Variants in CCSER1 observed in about 807,000 individuals in gnomAD.
CCSER1 encodes the protein coiled-coil serine rich protein 1.
Under a neutral mutation model 82.0 loss-of-function variants are expected in CCSER1, and 41 were observed. That is an observed-to-expected ratio of 0.50 (90% CI 0.39 to 0.65). The LOEUF is 0.65. CCSER1 is among the 30% of genes least tolerant of loss of function. CCSER1 has a pLI of 0.00. For missense variants in CCSER1, 1,119 were observed against 1,064.2 expected, an observed-to-expected ratio of 1.05 and a Z score of -0.72; for synonymous variants, 414 against 383.9, an observed-to-expected ratio of 1.08 and a Z score of -0.92.
intron 9 of CCSER1, among the ~76,000 whole-genome samples, chr4:90,997,776 T>C (rs1196567682): frequency 6.6e-6 from 1 of 152,186 alleles, no homozygotes; most frequent in Non-Finnish European, 1.5e-5. Flanking sequence ...TCTTACTAAA[T>C]TGCTAAGGAA....
At chr4:90,497,886 G>A (rs1429651893) in intron 5 of CCSER1, among the ~76,000 whole-genome samples, 3 of 152,016 alleles carry the variant, frequency 2.0e-5, no homozygotes, top group Non-Finnish European at 4.4e-5. Context: ...GCTATTCAGG[G>A]AAGGTTCTTC....
chr4:91,297,379 G>GTA (rs1553921579), intron 10 of CCSER1, among the ~76,000 whole-genome samples: 1 of 98,594 alleles, frequency 1.0e-5, no homozygotes, highest in Non-Finnish European at 2.2e-5. Flanking sequence ...GTGTGTGTGT[G>GTA]TGTGTATGTG....
At chr4:91,398,966 A>T (rs1404899848) in intron 10 of CCSER1, among the ~76,000 whole-genome samples, 2 of 151,982 alleles carry the variant, frequency 1.3e-5, no homozygotes, top group African/African-American at 4.8e-5. Flanking sequence ...TCTGAATTAT[A>T]AATATTGAGT....
At chr4:91,139,487 C>T (rs1434906550) in intron 10 of CCSER1, among the ~76,000 whole-genome samples, 1 of 152,016 alleles carries the variant, frequency 6.6e-6, no homozygotes, top group Non-Finnish European at 1.5e-5. Context: ...GCATTTTTCT[C>T]TTAGCAGATA....
chr4:91,538,698 C>CATATATTATGTATCTATATATATAT, intron 10 of CCSER1, among the ~76,000 whole-genome samples: 1 of 138,340 alleles, frequency 7.2e-6, no homozygotes, highest in Non-Finnish European at 1.5e-5. Flanking sequence ...TATATATACA[C>CATATATTATGTATCTATATATATAT]ATATATATAT....
intron 10 of CCSER1, among the ~76,000 whole-genome samples, chr4:91,355,357 C>T (rs968968391): frequency 1.3e-5 from 2 of 151,964 alleles, no homozygotes; most frequent in Admixed American, 6.6e-5. Flanking sequence ...ACTTGTGTCA[C>T]CTAGAAAAGG....
chr4:90,416,946 G>A (rs181188200), intron 4 of CCSER1, among the ~76,000 whole-genome samples: 117 of 152,222 alleles, frequency 7.7e-4, no homozygotes, highest in Non-Finnish European at 1.4e-3. Flanking sequence ...CTTAACACAG[G>A]AACAGAAAAC....
chr4:91,369,445 G>C (rs781443153), intron 10 of CCSER1, among the ~76,000 whole-genome samples: 2 of 152,078 alleles, frequency 1.3e-5, no homozygotes, highest in African/African-American at 4.8e-5. Flanking sequence ...GAATTTTTGA[G>C]CAATTCTTGT....
At chr4:91,374,895 C>G (rs1027235701) in intron 10 of CCSER1, among the ~76,000 whole-genome samples, 1 of 152,086 alleles carries the variant, frequency 6.6e-6, no homozygotes, top group African/African-American at 2.4e-5. Flanking sequence ...ACTTAGGAGG[C>G]TGATGCTGGA....
At chr4:90,918,836 A>G (rs2150231960) in intron 8 of CCSER1, among the ~76,000 whole-genome samples, 1 of 151,896 alleles carries the variant, frequency 6.6e-6, no homozygotes, top group South Asian at 2.1e-4. Context: ...TAAATAGAAT[A>G]TATTTTTAGA....
intron 8 of CCSER1, among the ~76,000 whole-genome samples, chr4:90,869,820 G>A (rs1216006056): frequency 1.3e-5 from 2 of 151,642 alleles, no homozygotes; most frequent in African/African-American, 4.8e-5. Flanking sequence ...ACAGTATTGG[G>A]TCTTCTAATC....
chr4:91,109,755 C>A (rs576723916), intron 10 of CCSER1, among the ~76,000 whole-genome samples: 1 of 152,142 alleles, frequency 6.6e-6, no homozygotes, highest in South Asian at 2.1e-4. Flanking sequence ...ATATTCATTT[C>A]AGAGTAATTC....
chr4:90,793,599 G>A lies in CCSER1; in HGVS notation c.2011-22163G>A, dbSNP rs117168000. ...TGATGGACATTTAGGTTGATTCCAC[G>A]TCTTTGCCATTGTGAATAGTGCTGC... On this transcript the variant is annotated intron_variant, in intron 7 of 10. Transcript: ENST00000509176. Among the ~76,000 whole-genome samples the A allele has an allele frequency of 5.1e-4, 77 of 152,182 alleles. 1 individual carries two copies. In the East Asian group the frequency reaches 0.012, roughly 23 times the overall value.
chr4:91,010,599 T>G (rs1267729246), intron 9 of CCSER1, among the ~76,000 whole-genome samples: 1 of 135,192 alleles, frequency 7.4e-6, no homozygotes, highest in Non-Finnish European at 1.7e-5. Context: ...CTTAATTCTT[T>G]TTCATTCTTA....
chr4:90,264,355 G>T (rs1277022915), intron 1 of CCSER1, among the ~76,000 whole-genome samples: 1 of 152,090 alleles, frequency 6.6e-6, no homozygotes. Flanking sequence ...TGTTTATACT[G>T]CAAACCTGAC....
intron 10 of CCSER1, among the ~76,000 whole-genome samples, chr4:91,274,776 TGCAATA>T (rs1413275576): frequency 6.6e-6 from 1 of 152,182 alleles, no homozygotes; most frequent in Non-Finnish European, 1.5e-5. Flanking sequence ...TGAATAATGC[TGCAATA>T]AACATATGGG....
chr4:90,459,896 T>A (rs915887955), intron 4 of CCSER1, among the ~76,000 whole-genome samples: 5 of 152,184 alleles, frequency 3.3e-5, no homozygotes, highest in Non-Finnish European at 7.3e-5. Context: ...ACTAAAGTGT[T>A]TTGAGTTTTA....
intron 9 of CCSER1, among the ~76,000 whole-genome samples, chr4:91,050,173 G>A (rs1433649966): frequency 6.6e-6 from 1 of 152,226 alleles, no homozygotes; most frequent in African/African-American, 2.4e-5. Flanking sequence ...GCTCCAGCCT[G>A]TAGTCTCAGC....
rs1370901363 is a variant in CCSER1 at position 91,200,393 on chromosome 4, G to A, written c.2217+114399G>A. ...AGAAGCCATTCCCTTTCCATTCAAA[G>A]TGGTATTCACCTTTCAACTTTACCC... On this transcript the variant is annotated intron_variant, in intron 10 of 10. Coordinates refer to ENST00000509176, the MANE Select transcript of CCSER1 (RefSeq NM_001145065.2). 3.9e-5 allele frequency among the ~76,000 whole-genome samples: 6 copies of A among 152,044 alleles called. No individual in the cohort carries two copies. The East Asian group carries it at 1.2e-3, about 29-fold the overall frequency.
Sources: gnomAD v4.1 joint callset for allele counts (sites outside exome capture counted in the v4.1 genomes callset) on GRCh38, gnomAD v4.1.1 for gene constraint, MANE v1.5 for transcripts, NCBI Gene and HGNC (gene_info 2026-07-23, HGNC 2026-07-21) for gene names.